PTGER3: variants seen among roughly 807,000 people sequenced by gnomAD.
PTGER3 encodes the protein prostaglandin E2 receptor EP3 subtype.
Under a neutral mutation model 34.7 loss-of-function variants are expected in PTGER3, and 22 were observed. The ratio of observed to expected loss-of-function variants is 0.63; its 90% CI spans 0.45 to 0.91. PTGER3 has a LOEUF of 0.91. Ranked by LOEUF, PTGER3 falls within the 40% of genes least tolerant of loss-of-function variation. The pLI is 0.00. For missense variants in PTGER3, 468 were observed against 519.4 expected (o/e 0.90, Z 0.96); for synonymous variants, 241 against 230.1 (o/e 1.05, Z -0.43).
In PTGER3 at chr1:70,986,551, T is replaced by C. The variant is rs375635790; in HGVS notation, c.1078-12163A>G. Among the ~76,000 whole-genome samples the C allele has an allele frequency of 9.2e-5, 14 of 152,224 alleles. No individual in the cohort carries two copies. The East Asian group carries it at 1.7e-3, about 19-fold the overall frequency. On this transcript the variant is annotated intron_variant, in intron 2 of 3. Coordinates refer to ENST00000306666, the MANE Select transcript of PTGER3 (RefSeq NM_198719.2). ...AGCAGGACCACAAGGCTAGAACATG[T>C]TGAGGAAACTGTTCCCAGATTTCAC...
intron 1 of PTGER3, among the ~76,000 whole-genome samples, chr1:71,042,725 G>A (rs1234361899): frequency 1.3e-5 from 2 of 152,028 alleles, no homozygotes; most frequent in African/African-American, 2.4e-5. Context: ...ACCACATGTG[G>A]CATATTAAAG....
chr1:71,016,007 A>G (rs963977843), intron 1 of PTGER3, among the ~76,000 whole-genome samples: 1 of 152,156 alleles, frequency 6.6e-6, no homozygotes, highest in Non-Finnish European at 1.5e-5. Flanking sequence ...ATCATAGCTC[A>G]CTGTAGTCCT....
chr1:71,022,980 T>G (rs1051076042), intron 1 of PTGER3, among the ~76,000 whole-genome samples: 1 of 151,876 alleles, frequency 6.6e-6, no homozygotes, highest in African/African-American at 2.4e-5. Flanking sequence ...CTCCCACTTT[T>G]GGCAGTTTCC....
At chr1:70,879,269 CAG>C (rs1471052394) in intron 4 of PTGER3, among the ~76,000 whole-genome samples, 1 of 111,698 alleles carries the variant, frequency 9.0e-6, no homozygotes, top group Non-Finnish European at 1.9e-5. Context: ...TGTTTTGAGA[CAG>C]AGTCTCACTC....
In PTGER3 at chr1:71,012,344, G is replaced by T; in HGVS notation, c.1038C>A (p.Tyr346Ter). The T allele has an allele frequency of 4.3e-6, 7 of 1,614,146 alleles. No homozygotes were observed. Among genetic ancestry groups the T allele is most frequent in the Non-Finnish European group, 5.1e-6 (6 of 1,180,040 alleles). The change falls in exon 2 of 4, where the codon TAC (tyrosine) becomes TAA (stop). Residue 346 changes from tyrosine (Y) to a stop codon, truncating the protein, a stop_gained. Coordinates refer to ENST00000306666, the MANE Select transcript of PTGER3 (RefSeq NM_198719.2). LOFTEE classifies it high-confidence loss of function. Reference protein sequence around the residue: ...SLNQILDPWVYLLLRKILLRK... With the variant: ...SLNQILDPWV ...GAAGAAGGATCTTTCTTAACAGCAG[G>T]TAAACCCAAGGATCCAAGATCTGGT...
At chr1:71,001,583 G>T (rs1180498247) in intron 2 of PTGER3, among the ~76,000 whole-genome samples, 1 of 152,182 alleles carries the variant, frequency 6.6e-6, no homozygotes, top group South Asian at 2.1e-4. Context: ...TTTCCTGTGA[G>T]CTGTTTTCCA....
chr1:71,046,881 C>T lies in PTGER3; in HGVS notation c.697G>A (p.Ala233Thr), dbSNP rs556010685. The T allele has an allele frequency of 5.6e-6, 9 of 1,613,436 alleles. No individual in the cohort carries two copies. The highest frequency in any genetic ancestry group is 1.7e-5 in the Admixed American group (1 of 59,952). ...HNWGNLFFAS[A>T]FAFLGLLALT... is the part of the protein sequence containing the mutation. ...GCCAAGAGCCCCAGGAAGGCAAAGGCAGAGGCGAAGAAAAGGTTGCCCCAG... is the reference window on the plus strand; with the variant it reads ...GCCAAGAGCCCCAGGAAGGCAAAGGTAGAGGCGAAGAAAAGGTTGCCCCAG... The change falls in exon 1 of 4, where the codon GCC (alanine) becomes ACC (threonine). Residue 233 changes from alanine to threonine, a missense_variant. Coordinates refer to ENST00000306666, the MANE Select transcript of PTGER3 (RefSeq NM_198719.2).
At chr1:71,035,697 A>G (rs1180958254) in intron 1 of PTGER3, among the ~76,000 whole-genome samples, 1 of 152,182 alleles carries the variant, frequency 6.6e-6, no homozygotes, top group Non-Finnish European at 1.5e-5. Flanking sequence ...CTAAACTCCC[A>G]AACAAAAATG....
intron 1 of PTGER3, among the ~76,000 whole-genome samples, chr1:71,039,598 G>C (rs1186360793): frequency 1.4e-5 from 2 of 147,958 alleles, no homozygotes; most frequent in South Asian, 2.2e-4. Context: ...TGCAGTGAGC[G>C]GAGATTGCGC....
In PTGER3 at chr1:71,047,514, T is replaced by G. The variant is rs1314974804; in HGVS notation, c.64A>C (p.Thr22Pro). ...PFCTRLNHSY[T>P]GMWAPERSAE... ...GAACGCTCGGGCGCCCACATGCCTGTGTAGGAGTGGTTGAGGCGGGTGCAG... is the reference window on the plus strand; with the variant it reads ...GAACGCTCGGGCGCCCACATGCCTGGGTAGGAGTGGTTGAGGCGGGTGCAG... The change falls in exon 1 of 4, where the codon ACA becomes CCA. Residue 22 changes from threonine (T) to proline (P), a missense_variant. Transcript: ENST00000306666. 6 of 1,600,686 alleles carry G rather than the reference T, an allele frequency of 3.7e-6. No homozygotes were observed. The highest frequency in any genetic ancestry group is 5.1e-6 in the Non-Finnish European group (6 of 1,174,740).
chr1:70,973,121 C>CGT (rs71898506), intron 3 of PTGER3, among the ~76,000 whole-genome samples: 2,216 of 143,922 alleles, frequency 0.015, 23 homozygotes, highest in African/African-American at 0.022. Context: ...CCAGTGTGCA[C>CGT]GTGTGTGTGT....
chr1:70,965,330 G>A (rs1205896271), intron 2 of PTGER3, among the ~76,000 whole-genome samples: 1 of 152,122 alleles, frequency 6.6e-6, no homozygotes, highest in African/African-American at 2.4e-5. Flanking sequence ...AGCAGGTGTG[G>A]AAAATGGATG....
intron 1 of PTGER3, among the ~76,000 whole-genome samples, chr1:71,028,049 A>C (rs1239994415): frequency 6.6e-6 from 1 of 152,078 alleles, no homozygotes; most frequent in Non-Finnish European, 1.5e-5. Context: ...AGGTATCATC[A>C]CTGCAGTGTC....
intron 4 of PTGER3, among the ~76,000 whole-genome samples, chr1:70,898,499 A>G (rs1246513538): frequency 6.6e-6 from 1 of 152,138 alleles, no homozygotes; most frequent in Non-Finnish European, 1.5e-5. Context: ...GTCTTCCATC[A>G]GTGCTGCTGC....
chr1:70,927,241 G>A (rs961141660), intron 4 of PTGER3, among the ~76,000 whole-genome samples: 2 of 152,010 alleles, frequency 1.3e-5, no homozygotes, highest in Non-Finnish European at 2.9e-5. Context: ...GATTGGAATA[G>A]TTTTAGAAGG....
chr1:70,927,370 G>T (rs1360385502), intron 4 of PTGER3, among the ~76,000 whole-genome samples: 2 of 152,150 alleles, frequency 1.3e-5, no homozygotes, highest in Non-Finnish European at 2.9e-5. Context: ...ATATGTAAGA[G>T]AAGTGACAAT....
chr1:70,944,427 A>G (rs1254341314), intron 4 of PTGER3, among the ~76,000 whole-genome samples: 1 of 152,142 alleles, frequency 6.6e-6, no homozygotes, highest in Non-Finnish European at 1.5e-5. Flanking sequence ...TGAAACCAGT[A>G]TAGAAGAAGT....
At chr1:71,031,377 C>A (rs1659403948) in intron 1 of PTGER3, among the ~76,000 whole-genome samples, 1 of 152,034 alleles carries the variant, frequency 6.6e-6, no homozygotes, top group South Asian at 2.1e-4. Context: ...TAAAAATGAA[C>A]CCCCACCTTT....
chr1:70,874,818 TTA>T (rs1214761423), intron 4 of PTGER3, among the ~76,000 whole-genome samples: 1 of 151,992 alleles, frequency 6.6e-6, no homozygotes, highest in African/African-American at 2.4e-5. Context: ...ATAATTCATT[TTA>T]TGTTTTTTTT....
Sources: gnomAD v4.1 joint callset for allele counts (sites outside exome capture counted in the v4.1 genomes callset) on GRCh38, gnomAD v4.1.1 for gene constraint, MANE v1.5 for transcripts, NCBI Gene and HGNC (gene_info 2026-07-23, HGNC 2026-07-21) for gene names.